NRG1: variants seen among roughly 807,000 people sequenced by gnomAD.
NRG1 encodes neuregulin 1, also known as pro-neuregulin-1, membrane-bound isoform.
A neutral mutation model predicts 63.8 loss-of-function variants in NRG1; 18 were observed. The ratio of observed to expected loss-of-function variants is 0.28; its 90% CI spans 0.19 to 0.42. The LOEUF is 0.42. NRG1 is among the 10% of genes least tolerant of loss of function. NRG1 has a pLI of 1.00. For synonymous variants in NRG1, 302 were observed against 301.3 expected (o/e 1.00, Z -0.02); for missense variants, 762 against 814.7 (o/e 0.94, Z 0.79).
intron 1 of NRG1, among the ~76,000 whole-genome samples, chr8:31,820,374 G>A (rs58647408): frequency 0.012 from 1,860 of 152,258 alleles, 40 homozygotes; most frequent in African/African-American, 0.043. Context: ...AATGACTCTC[G>A]GGGAGAGTAA....
chr8:32,417,430 G>T (rs1816077192), intron 1 of NRG1, among the ~76,000 whole-genome samples: 1 of 152,032 alleles, frequency 6.6e-6, no homozygotes, highest in Non-Finnish European at 1.5e-5. Context: ...TTTCTTGAGG[G>T]TTCTAATTCT....
intron 5 of NRG1, among the ~76,000 whole-genome samples, chr8:32,677,150 C>T (rs1296398958): frequency 1.3e-5 from 2 of 152,016 alleles, no homozygotes; most frequent in African/African-American, 4.8e-5. Flanking sequence ...GTTTAAGGTT[C>T]ATGAATCAAA....
At chr8:31,727,943 G>A (rs1287595586) in intron 1 of NRG1, among the ~76,000 whole-genome samples, 3 of 152,140 alleles carry the variant, frequency 2.0e-5, no homozygotes, top group Admixed American at 2.0e-4. Context: ...TTGTGATAAC[G>A]CAGACATCTC....
intron 1 of NRG1, among the ~76,000 whole-genome samples, chr8:32,083,725 A>G (rs1429648324): frequency 6.6e-6 from 1 of 152,122 alleles, no homozygotes; most frequent in Middle Eastern, 3.4e-3. Context: ...AAATAATGGG[A>G]GGGGGAAATT....
chr8:31,968,192 T>G (rs949733798), intron 1 of NRG1, among the ~76,000 whole-genome samples: 1 of 152,218 alleles, frequency 6.6e-6, no homozygotes, highest in Non-Finnish European at 1.5e-5. Context: ...TAAGTATGCA[T>G]GCAAAAATAA....
At chr8:32,656,978 G>C (rs1010541170) in intron 5 of NRG1, among the ~76,000 whole-genome samples, 2 of 151,992 alleles carry the variant, frequency 1.3e-5, no homozygotes, top group Non-Finnish European at 2.9e-5. Flanking sequence ...CCAGCCAAAG[G>C]AGAAATTCAT....
At chr8:32,582,147 G>A (rs1840779742) in intron 1 of NRG1, among the ~76,000 whole-genome samples, 1 of 138,868 alleles carries the variant, frequency 7.2e-6, no homozygotes, top group Non-Finnish European at 1.6e-5. Context: ...ACCCAGACTG[G>A]AGTGCAGTGG....
intron 1 of NRG1, among the ~76,000 whole-genome samples, chr8:32,459,800 G>T (rs187055070): frequency 6.6e-6 from 1 of 152,022 alleles, no homozygotes; most frequent in Non-Finnish European, 1.5e-5. Flanking sequence ...CTGTTCCTCC[G>T]AACTACAGGC....
Position 32,763,802 on chromosome 8 carries a change from G to T in NRG1, c.1314G>T (p.Thr438=), listed in dbSNP as rs769613779. ...GTATGTCACCTGTAGATTTCCACAC[G>T]CCAAGCTCCCCCAAATCGCCCCCTT... Residue 438 remains threonine (T), a synonymous_variant, in exon 12 of 12, where the codon ACG becomes ACT. Coordinates refer to ENST00000356819, the Ensembl canonical transcript of NRG1. 6.3e-6 allele frequency: 10 copies of T among 1,592,296 alleles called. No individual in the cohort carries two copies. In the South Asian group the frequency reaches 1.1e-4, roughly 18 times the overall value.
At chr8:31,855,170 T>C (rs1414185683) in intron 1 of NRG1, among the ~76,000 whole-genome samples, 3 of 152,152 alleles carry the variant, frequency 2.0e-5, no homozygotes, top group Non-Finnish European at 4.4e-5. Context: ...GTATCCTTGT[T>C]GACTTTCTGT....
intron 1 of NRG1, among the ~76,000 whole-genome samples, chr8:32,467,737 A>C (rs1823252335): frequency 6.6e-6 from 1 of 152,176 alleles, no homozygotes; most frequent in Non-Finnish European, 1.5e-5. Flanking sequence ...GAACCACAGG[A>C]GAGAAACAGT....
intron 1 of NRG1, among the ~76,000 whole-genome samples, chr8:31,653,049 TCTC>T (rs1446818921): frequency 9.2e-6 from 1 of 109,124 alleles, no homozygotes; most frequent in Non-Finnish European, 1.9e-5. Flanking sequence ...CCTCCTCTCC[TCTC>T]CTCTTGTCTT....
Position 32,644,231 on chromosome 8 carries a change from G to C in NRG1, c.502+27346G>C, listed in dbSNP as rs76033952. ...GGAGATGGTGATAAAAGGTTAGGTA[G>C]TAAAAAATTGTGTAGTTTATTTTTC... On this transcript the variant is annotated intron_variant, in intron 5 of 11. Coordinates refer to ENST00000356819, the Ensembl canonical transcript of NRG1. Among the ~76,000 whole-genome samples, 1,489 of 152,294 alleles carry C rather than the reference G, an allele frequency of 9.8e-3. 35 individuals carry two copies. Among genetic ancestry groups the C allele is most frequent in the African/African-American group, 0.034 (1,422 of 41,552 alleles).
intron 1 of NRG1, among the ~76,000 whole-genome samples, chr8:31,679,187 C>T (rs1162138363): frequency 2.0e-5 from 3 of 151,914 alleles, no homozygotes; most frequent in Non-Finnish European, 4.4e-5. Context: ...CACCTGTTGT[C>T]TTCTCAATGA....
At chr8:32,024,167 T>C (rs1368642980) in intron 1 of NRG1, among the ~76,000 whole-genome samples, 1 of 152,204 alleles carries the variant, frequency 6.6e-6, no homozygotes, top group Non-Finnish European at 1.5e-5. Flanking sequence ...ATACAGTAAT[T>C]TGATTCCAGT....
At position 31,760,668 on chromosome 8, in the gene NRG1, A is replaced by C. The variant is rs1817445348; in HGVS notation, c.37+121237A>C. Among the ~76,000 whole-genome samples the C allele has an allele frequency of 2.0e-5, 3 of 152,376 alleles. No homozygotes were observed. In the South Asian group the frequency reaches 6.2e-4, roughly 32 times the overall value. Reference sequence around the variant, plus strand: ...ATATGAACAGGCACTTCTCAAAAGAAGACATTTATGCAGCCAAAAGACGCA... The same window carrying C: ...ATATGAACAGGCACTTCTCAAAAGACGACATTTATGCAGCCAAAAGACGCA... On this transcript the variant is annotated intron_variant, in intron 1 of 10. Transcript: ENST00000519301.
At chr8:32,673,075 C>A (rs1806127574) in intron 5 of NRG1, among the ~76,000 whole-genome samples, 1 of 152,146 alleles carries the variant, frequency 6.6e-6, no homozygotes, top group Admixed American at 6.5e-5. Context: ...ATAATTAAAA[C>A]AAACCAAAGC....
intron 1 of NRG1, among the ~76,000 whole-genome samples, chr8:31,844,252 G>A (rs565138340): frequency 2.0e-5 from 3 of 152,270 alleles, no homozygotes; most frequent in Admixed American, 6.5e-5. Flanking sequence ...CCATCCCAAA[G>A]CTAAGGGAGT....
At chr8:32,518,546 CAT>C (rs2129504753) in intron 1 of NRG1, among the ~76,000 whole-genome samples, 1 of 152,184 alleles carries the variant, frequency 6.6e-6, no homozygotes, top group South Asian at 2.1e-4. Flanking sequence ...AGAGTGACGA[CAT>C]GTGAAGATGT....
Sources: allele counts gnomAD v4.1 joint callset (sites outside exome capture counted in the v4.1 genomes callset), GRCh38; gene constraint gnomAD v4.1.1; transcripts MANE v1.5; gene names NCBI Gene and HGNC (gene_info 2026-07-23, HGNC 2026-07-21).